The following HSD17B2 variants were observed in gnomAD, a reference collection of about 807,000 sequenced individuals.
HSD17B2 encodes the protein hydroxysteroid 17-beta dehydrogenase 2.
HSD17B2 carries 32 observed loss-of-function variants against 26.9 expected under a neutral mutation model. That is an observed-to-expected ratio of 1.19 (90% CI 0.90 to 1.60). The LOEUF is 1.60. Among genes scored for constraint, HSD17B2 ranks in the 40% most tolerant of loss-of-function variants. HSD17B2 has a pLI of 0.00. For missense variants in HSD17B2, 613 were observed against 468.6 expected (o/e 1.31, Z -2.85); for synonymous variants, 246 against 186.7 (o/e 1.32, Z -2.59).
intron 3 of HSD17B2, among the ~76,000 whole-genome samples, chr16:82,085,745 T>C (rs1244265947): frequency 1.3e-5 from 2 of 152,140 alleles, no homozygotes; most frequent in African/African-American, 4.8e-5. Flanking sequence ...GAGCCTAAGA[T>C]TCTGCATGTC....
chr16:82,035,673 G>A lies in HSD17B2; in HGVS notation c.249G>A (p.Lys83=). 4 of 1,613,828 alleles carry A rather than the reference G, an allele frequency of 2.5e-6. No homozygotes were observed. The highest frequency in any genetic ancestry group is 3.4e-6 in the Non-Finnish European group (4 of 1,179,932). ...AAGAATTGTTACCTGTGGATCAGAA[G>A]GCAGTCCTGGTGACAGGTAAGCAGA... ...SGQELLPVDQ[K]AVLVTGGDCG... is the part of the protein sequence containing the mutation. Residue 83 remains lysine (K), a synonymous_variant, in exon 1 of 5, where the codon AAG becomes AAA. Transcript: ENST00000199936.
At chr16:82,038,296 C>T (rs956615244) in intron 1 of HSD17B2, among the ~76,000 whole-genome samples, 6 of 152,254 alleles carry the variant, frequency 3.9e-5, no homozygotes, top group African/African-American at 1.4e-4. Context: ...TACCTGAAAC[C>T]ACAGAGGCCA....
chr16:82,052,926 G>A (rs1046709326), intron 1 of HSD17B2, among the ~76,000 whole-genome samples: 7 of 152,204 alleles, frequency 4.6e-5, no homozygotes, highest in Non-Finnish European at 8.8e-5. Context: ...ATAACATGGT[G>A]GAGGGCATCA....
At chr16:82,096,803 A>G (rs988431033) in intron 4 of HSD17B2, 1 of 152,158 alleles carries the variant, frequency 6.6e-6, no homozygotes, top group Non-Finnish European at 1.5e-5. Context: ...TGAAAGGAGA[A>G]TCAACACACA....
At chr16:82,076,981 A>G (rs1485742287) in intron 3 of HSD17B2, among the ~76,000 whole-genome samples, 1 of 152,228 alleles carries the variant, frequency 6.6e-6, no homozygotes, top group Admixed American at 6.5e-5. Flanking sequence ...GATCTCTACA[A>G]TGAAAATTAT....
chr16:82,068,867 T>A (rs1203421803), intron 2 of HSD17B2, among the ~76,000 whole-genome samples: 1 of 152,206 alleles, frequency 6.6e-6, no homozygotes, highest in Non-Finnish European at 1.5e-5. Context: ...CTAACTGATC[T>A]GGCAAAGCTA....
intron 4 of HSD17B2, 177 bp from the exon 5 acceptor site, chr16:82,097,898 A>C (rs1425651693): frequency 2.0e-6 from 1 of 510,044 alleles, no homozygotes; most frequent in Non-Finnish European, 3.2e-6. Flanking sequence ...AGATCACACC[A>C]CTGCACTTAA....
rs140665638 is a variant in HSD17B2 at position 82,081,227 on chromosome 16, C to T, written c.665-9675C>T. Among the ~76,000 whole-genome samples, 531 of 152,248 alleles carry T rather than the reference C, an allele frequency of 3.5e-3. 3 individuals carry two copies. The highest frequency in any genetic ancestry group is 0.012 in the African/African-American group (505 of 41,532). ...CAAATTGTGTTTGCTGTTTATTTGT[C>T]TGCTCTATTCCCTCCCTCTCTGAAA... On this transcript the variant is annotated intron_variant, in intron 3 of 4. Coordinates refer to ENST00000199936, the MANE Select transcript of HSD17B2 (RefSeq NM_002153.3).
At chr16:82,087,420 T>C (rs1904559048) in intron 3 of HSD17B2, among the ~76,000 whole-genome samples, 1 of 152,310 alleles carries the variant, frequency 6.6e-6, no homozygotes, top group Non-Finnish European at 1.5e-5. Flanking sequence ...TTTGGACACC[T>C]ATATTTATCT....
At chr16:82,082,344 T>A (rs1012874514) in intron 3 of HSD17B2, among the ~76,000 whole-genome samples, 8 of 152,146 alleles carry the variant, frequency 5.3e-5, no homozygotes, top group African/African-American at 1.9e-4. Flanking sequence ...CTTAAAAGGA[T>A]GTTTGCCTGA....
chr16:82,076,521 T>A (rs186372804), intron 3 of HSD17B2, among the ~76,000 whole-genome samples: 7 of 152,208 alleles, frequency 4.6e-5, no homozygotes, highest in Admixed American at 4.6e-4. Flanking sequence ...TTAAAACTGA[T>A]AAACAAATTC....
At chr16:82,072,366 G>T (rs571815885) in intron 3 of HSD17B2, among the ~76,000 whole-genome samples, 7 of 152,208 alleles carry the variant, frequency 4.6e-5, no homozygotes, top group Admixed American at 3.9e-4. Flanking sequence ...AAAACACACA[G>T]CAATATTTTC....
chr16:82,056,379 T>C (rs1469040895), intron 1 of HSD17B2: 2 of 152,378 alleles, frequency 1.3e-5, no homozygotes, highest in Admixed American at 6.5e-5. Flanking sequence ...TAGCAATTCT[T>C]GTGAAATACA....
Position 82,090,950 on chromosome 16 carries a change from C to A in HSD17B2, c.713C>A (p.Ala238Asp), listed in dbSNP as rs772693057. 9.9e-6 allele frequency: 16 copies of A among 1,613,902 alleles called. No homozygotes were observed. The highest frequency in any genetic ancestry group is 1.4e-5 in the Non-Finnish European group (16 of 1,179,906). ...GCATCTTATGGCTCATCAAAGGCGG[C>A]TGTGACCATGTTCTCATCAGTTATG... Reference protein sequence around the residue: ...RLASYGSSKAAVTMFSSVMRL... With the variant: ...RLASYGSSKADVTMFSSVMRL... Residue 238 changes from alanine to aspartate, a missense_variant, in exon 4 of 5, where the codon GCT becomes GAT. Coordinates refer to ENST00000199936, the MANE Select transcript of HSD17B2 (RefSeq NM_002153.3).
At chr16:82,075,930 G>T (rs1042744660) in intron 3 of HSD17B2, among the ~76,000 whole-genome samples, 2 of 125,370 alleles carry the variant, frequency 1.6e-5, no homozygotes, top group African/African-American at 5.9e-5. Context: ...AAAAAGAAAA[G>T]AAAACTACAG....
intron 1 of HSD17B2, among the ~76,000 whole-genome samples, chr16:82,059,028 C>T (rs1259605148): frequency 6.6e-6 from 1 of 152,142 alleles, no homozygotes; most frequent in Non-Finnish European, 1.5e-5. Context: ...CCAGACAGCC[C>T]AAGAGAGTCC....
intron 3 of HSD17B2, among the ~76,000 whole-genome samples, chr16:82,077,800 G>T (rs958384620): frequency 5.3e-5 from 8 of 151,400 alleles, no homozygotes; most frequent in African/African-American, 1.7e-4. Context: ...AGGAAGAAAA[G>T]AAAAGAAAAG....
intron 1 of HSD17B2, among the ~76,000 whole-genome samples, chr16:82,048,946 A>G (rs1331311614): frequency 6.6e-6 from 1 of 152,204 alleles, no homozygotes; most frequent in Non-Finnish European, 1.5e-5. Context: ...TAGGAAATCA[A>G]AGAAGACAAA....
At chr16:82,089,502 C>T (rs926468691) in intron 3 of HSD17B2, among the ~76,000 whole-genome samples, 2 of 152,150 alleles carry the variant, frequency 1.3e-5, no homozygotes, top group South Asian at 2.1e-4. Context: ...TCAGTGTCTT[C>T]CTGCTGAAGA....
Sources: allele counts gnomAD v4.1 joint callset (sites outside exome capture counted in the v4.1 genomes callset), GRCh38; gene constraint gnomAD v4.1.1; transcripts MANE v1.5; gene names NCBI Gene and HGNC (gene_info 2026-07-23, HGNC 2026-07-21).